The following ADAMTSL1 variants were observed in gnomAD, a reference collection of about 807,000 sequenced individuals.
ADAMTSL1 encodes ADAMTS-like protein 1.
A neutral mutation model predicts 201.8 loss-of-function variants in ADAMTSL1; 126 were observed. That is an observed-to-expected ratio of 0.62 (90% CI 0.54 to 0.72). The LOEUF is 0.72. Ranked by LOEUF, ADAMTSL1 falls within the 30% of genes least tolerant of loss-of-function variation. The pLI is 0.00. For missense variants in ADAMTSL1, 2,679 were observed against 2,277.8 expected (o/e 1.18, Z -3.59); for synonymous variants, 1,121 against 903.4 (o/e 1.24, Z -4.32).
intron 2 of ADAMTSL1, among the ~76,000 whole-genome samples, chr9:18,313,396 C>A (rs1367696298): frequency 6.6e-6 from 1 of 152,118 alleles, no homozygotes; most frequent in South Asian, 2.1e-4. Context: ...TTATTTCTAA[C>A]AATTTATTTT....
chr9:18,875,714 G>A (rs1168200002), intron 23 of ADAMTSL1, among the ~76,000 whole-genome samples: 1 of 152,136 alleles, frequency 6.6e-6, no homozygotes, highest in Non-Finnish European at 1.5e-5. Flanking sequence ...TGAATAGAGT[G>A]TATATTCTGC....
chr9:18,865,407 A>C (rs1290356667), intron 23 of ADAMTSL1, among the ~76,000 whole-genome samples: 25 of 152,304 alleles, frequency 1.6e-4, no homozygotes, highest in Admixed American at 1.3e-3. Context: ...TCCATGGTGT[A>C]TATGTGCCAC....
chr9:18,685,782 C>G (rs1366247477), intron 13 of ADAMTSL1, among the ~76,000 whole-genome samples: 2 of 152,210 alleles, frequency 1.3e-5, no homozygotes, highest in African/African-American at 4.8e-5. Context: ...TGCCAGAACA[C>G]AACTGTGTTC....
At chr9:18,486,757 T>A (rs902822194) in intron 1 of ADAMTSL1, among the ~76,000 whole-genome samples, 6 of 152,126 alleles carry the variant, frequency 3.9e-5, no homozygotes, top group African/African-American at 1.4e-4. Flanking sequence ...AAGCTTTACC[T>A]CCCTCATGTA....
chr9:18,108,226 G>A (rs1020828828), intron 1 of ADAMTSL1, among the ~76,000 whole-genome samples: 1 of 144,352 alleles, frequency 6.9e-6, no homozygotes, highest in African/African-American at 2.6e-5. Flanking sequence ...TTTGAAACAG[G>A]GTTCTACTCT....
intron 1 of ADAMTSL1, among the ~76,000 whole-genome samples, chr9:17,978,702 A>G (rs1818555795): frequency 6.6e-6 from 1 of 152,152 alleles, no homozygotes; most frequent in African/African-American, 2.4e-5. Flanking sequence ...GTTAAAAATG[A>G]CTTACATTAT....
intron 2 of ADAMTSL1, among the ~76,000 whole-genome samples, chr9:18,222,946 A>C (rs1181109582): frequency 1.3e-5 from 2 of 151,976 alleles, no homozygotes; most frequent in African/African-American, 4.8e-5. Context: ...TTGTATCTGT[A>C]TAGATAATCT....
rs1300409245 is a variant in ADAMTSL1, at chr9:18,753,463, C to A, written c.2172C>A (p.Asn724Lys). The part of the protein sequence containing the change: ...QPKPSTVQAC[N>K]RFNCPPAWYP... ...AGCCCAGCACGGTGCAAGCTTGTAACCGCTTTAATTGCCCCCCAGCCTGGT... is the reference window on the plus strand; with the variant it reads ...AGCCCAGCACGGTGCAAGCTTGTAAACGCTTTAATTGCCCCCCAGCCTGGT... The change falls in exon 16 of 29, where the codon AAC (asparagine) becomes AAA (lysine). Residue 724 changes from asparagine to lysine, a missense_variant. Asn to Lys is a moderately conservative substitution (Grantham distance 94, BLOSUM62 0). Coordinates refer to ENST00000380548, the MANE Select transcript of ADAMTSL1 (RefSeq NM_001040272.6). 6.2e-7 allele frequency: 1 copy of A among 1,613,474 alleles called. No individual in the cohort carries two copies. Among genetic ancestry groups the A allele is most frequent in the Non-Finnish European group, 8.5e-7 (1 of 1,179,802 alleles).
chr9:18,308,451 C>G (rs1468388903), intron 2 of ADAMTSL1, among the ~76,000 whole-genome samples: 1 of 151,644 alleles, frequency 6.6e-6, no homozygotes, highest in African/African-American at 2.4e-5. Flanking sequence ...GGCCAGACTA[C>G]TAAAGGAGAA....
At chr9:18,722,101 A>G (rs1661745619) in intron 15 of ADAMTSL1, among the ~76,000 whole-genome samples, 1 of 152,142 alleles carries the variant, frequency 6.6e-6, no homozygotes, top group African/African-American at 2.4e-5. Flanking sequence ...TGAAATCTAT[A>G]TGCACACAGC....
chr9:18,210,375 A>C (rs1333323735), intron 2 of ADAMTSL1, among the ~76,000 whole-genome samples: 1 of 128,116 alleles, frequency 7.8e-6, no homozygotes, highest in Admixed American at 9.2e-5. Context: ...AAGTCAAAGA[A>C]CACACACATA....
At chr9:18,439,068 G>A (rs952586179) in intron 2 of ADAMTSL1, among the ~76,000 whole-genome samples, 9 of 151,692 alleles carry the variant, frequency 5.9e-5, no homozygotes, top group Non-Finnish European at 1.0e-4. Flanking sequence ...TCCTTTGGAG[G>A]CTTCCTGGAC....
chr9:18,218,095 A>G (rs552359159), intron 2 of ADAMTSL1, among the ~76,000 whole-genome samples: 1 of 152,322 alleles, frequency 6.6e-6, no homozygotes, highest in East Asian at 1.9e-4. Flanking sequence ...TGACATTTTC[A>G]AAGTGCTTGC....
At chr9:18,064,328 C>A (rs1822596980) in intron 1 of ADAMTSL1, among the ~76,000 whole-genome samples, 1 of 152,152 alleles carries the variant, frequency 6.6e-6, no homozygotes, top group Non-Finnish European at 1.5e-5. Context: ...TGATTCTCAG[C>A]ATCTCCAACT....
At chr9:18,338,091 G>C (rs186459533) in intron 2 of ADAMTSL1, among the ~76,000 whole-genome samples, 152 of 152,210 alleles carry the variant, frequency 1.0e-3, no homozygotes, top group Non-Finnish European at 1.5e-3. Flanking sequence ...TGAATACATG[G>C]TCTACTACCT....
rs116160529 is a variant in ADAMTSL1 at position 18,086,211 on chromosome 9, G to A, written c.88-77651G>A. Among the ~76,000 whole-genome samples, 759 of 152,226 alleles carry A rather than the reference G, an allele frequency of 5.0e-3. 6 individuals carry two copies. The highest frequency in any genetic ancestry group is 0.018 in the African/African-American group (728 of 41,544). ...CTCTGCAGAGGTCATCTTTGTCACA[G>A]AGTGAAGCAGGCACAAGATAGTCCA... On this transcript the variant is annotated intron_variant, in intron 1 of 29. Transcript: ENST00000680146.
intron 2 of ADAMTSL1, among the ~76,000 whole-genome samples, chr9:18,528,093 G>A (rs962997458): frequency 1.3e-5 from 2 of 152,122 alleles, no homozygotes; most frequent in Non-Finnish European, 2.9e-5. Context: ...GGCCAGGCTG[G>A]TCTTGAACTC....
rs116313023 is a variant in ADAMTSL1 at position 18,870,000 on chromosome 9, C to G, written c.4250-17831C>G. On this transcript the variant is annotated intron_variant, in intron 23 of 28. Coordinates refer to ENST00000380548, the MANE Select transcript of ADAMTSL1 (RefSeq NM_001040272.6). ...ATGTGGAACTTCAAGTTTACTGACACTCCTGCCAGCTCTAATCTTCTGTTA... is the reference window on the plus strand; with the variant it reads ...ATGTGGAACTTCAAGTTTACTGACAGTCCTGCCAGCTCTAATCTTCTGTTA... 5.1e-3 allele frequency among the ~76,000 whole-genome samples: 774 copies of G among 152,084 alleles called. 3 individuals are homozygous for G. Among genetic ancestry groups the G allele is most frequent in the African/African-American group, 0.017 (715 of 41,498 alleles).
chr9:18,444,375 C>G (rs1303781316), intron 2 of ADAMTSL1, among the ~76,000 whole-genome samples: 1 of 152,036 alleles, frequency 6.6e-6, no homozygotes, highest in African/African-American at 2.4e-5. Flanking sequence ...AATAACTTGC[C>G]TAAGTTTGTT....
Sources: allele counts gnomAD v4.1 joint callset (sites outside exome capture counted in the v4.1 genomes callset), GRCh38; gene constraint gnomAD v4.1.1; transcripts MANE v1.5; gene names NCBI Gene and HGNC (gene_info 2026-07-23, HGNC 2026-07-21).